Variants in STK39 observed in about 807,000 individuals in gnomAD.
The protein encoded by STK39 is serine/threonine kinase 39.
Under a neutral mutation model 77.8 loss-of-function variants are expected in STK39, and 20 were observed. The observed-to-expected ratio is 0.26, with a 90% CI of 0.18 to 0.37. The LOEUF is 0.37. Ranked by LOEUF, STK39 falls within the 10% of genes least tolerant of loss-of-function variation. The pLI, the probability that STK39 is intolerant of heterozygous loss-of-function variation, is 1.00. For missense variants in STK39, 479 were observed against 656.5 expected (o/e 0.73, Z 2.95); for synonymous variants, 246 against 234.1 (o/e 1.05, Z -0.47).
At chr2:168,038,489 G>T (rs551846843) in intron 14 of STK39, among the ~76,000 whole-genome samples, 1 of 147,128 alleles carries the variant, frequency 6.8e-6, no homozygotes, top group Non-Finnish European at 1.5e-5. Flanking sequence ...GGAAAAAAAC[G>T]AAGAAAATCT....
At chr2:168,008,851 G>A (rs1043603466) in intron 16 of STK39, among the ~76,000 whole-genome samples, 4 of 152,110 alleles carry the variant, frequency 2.6e-5, no homozygotes, top group Admixed American at 6.5e-5. Flanking sequence ...TGTCAACTAC[G>A]CCCAATACTG....
At position 168,180,702 on chromosome 2, in the gene STK39, TAGCAAGCAACAGAC is replaced by T. The variant is rs2105627110; in HGVS notation, c.321+1262_321+1275del. 1.3e-5 allele frequency among the ~76,000 whole-genome samples: 2 copies of T among 152,142 alleles called. 1 individual carries two copies. The highest frequency in any genetic ancestry group is 3.9e-4 in the East Asian group (2 of 5,158). On this transcript the variant is annotated intron_variant, in intron 2 of 17. Transcript: ENST00000355999. Reference sequence around the variant, plus strand: ...GGCACAATATTACTGGTCACTAAGATAGCAAGCAACAGACAAGTAGCATGCAGCAGGAATTTCAG... The same window carrying T: ...GGCACAATATTACTGGTCACTAAGATAAGTAGCATGCAGCAGGAATTTCAG...
intron 14 of STK39, among the ~76,000 whole-genome samples, chr2:168,041,229 C>T (rs1419480191): frequency 6.6e-6 from 1 of 151,448 alleles, no homozygotes; most frequent in African/African-American, 2.4e-5. Flanking sequence ...ATCCTTCCAA[C>T]TCCTAAAGTC....
intron 16 of STK39, among the ~76,000 whole-genome samples, chr2:167,982,092 T>C (rs1683434345): frequency 6.6e-6 from 1 of 152,202 alleles, no homozygotes; most frequent in Admixed American, 6.5e-5. Flanking sequence ...ACATCAAATC[T>C]GTATAGAAAG....
chr2:168,244,690 G>A (rs1342694939), intron 1 of STK39, among the ~76,000 whole-genome samples: 4 of 152,146 alleles, frequency 2.6e-5, no homozygotes, highest in African/African-American at 7.2e-5. Flanking sequence ...AAGCCCTTGC[G>A]AAAAACCTAT....
At chr2:168,080,608 C>T (rs777318772) in intron 10 of STK39, among the ~76,000 whole-genome samples, 18 of 151,314 alleles carry the variant, frequency 1.2e-4, no homozygotes, top group South Asian at 6.3e-4. Flanking sequence ...CCAGCCTGGG[C>T]GACAGAGTGA....
chr2:168,044,388 G>A (rs1289113712), intron 14 of STK39, among the ~76,000 whole-genome samples: 2 of 152,110 alleles, frequency 1.3e-5, no homozygotes, highest in Admixed American at 1.3e-4. Context: ...GATAAGTTTG[G>A]AGTCCTTAAA....
chr2:168,165,451 G>GAAATGAGAAA (rs1374208033), intron 3 of STK39, among the ~76,000 whole-genome samples: 28 of 152,078 alleles, frequency 1.8e-4, no homozygotes, highest in Non-Finnish European at 2.8e-4. Context: ...CTCAGAGTTG[G>GAAATGAGAAA]TGGAACCCCA....
intron 8 of STK39, among the ~76,000 whole-genome samples, chr2:168,136,381 AAAG>A (rs1267353664): frequency 2.1e-5 from 2 of 96,114 alleles, no homozygotes; most frequent in Admixed American, 1.0e-4. Flanking sequence ...AAAAAAAAAA[AAAG>A]AAAAGAAATA....
At chr2:168,028,859 T>C (rs892361223) in intron 14 of STK39, among the ~76,000 whole-genome samples, 1 of 152,236 alleles carries the variant, frequency 6.6e-6, no homozygotes, top group Non-Finnish European at 1.5e-5. Context: ...CTATAAGACA[T>C]GAACCTAATA....
intron 16 of STK39, among the ~76,000 whole-genome samples, chr2:168,008,498 T>C (rs564261897): frequency 6.6e-6 from 1 of 152,318 alleles, no homozygotes; most frequent in South Asian, 2.1e-4. Context: ...AAGCTGTGGA[T>C]TAAATCTTGG....
In STK39 at chr2:168,000,770, A is replaced by G. The variant is rs1432308016; in HGVS notation, c.1498+11864T>C. 2.6e-5 allele frequency among the ~76,000 whole-genome samples: 4 copies of G among 152,200 alleles called. No individual in the cohort carries two copies. The East Asian group carries it at 7.7e-4, about 29-fold the overall frequency. On this transcript the variant is annotated intron_variant, in intron 16 of 17. Transcript: ENST00000355999. ...CCCAGATCTATTCAGCCAATGAAGA[A>G]ATGAGCCATGAACGTGACTTTCTAA... is the stretch of plus-strand genomic sequence containing the variant.
chr2:168,075,335 C>A lies in STK39; in HGVS notation c.1090-104G>T, dbSNP rs16854652. 5,889 of 1,481,734 alleles carry A rather than the reference C, an allele frequency of 4.0e-3. 218 individuals carry two copies. The African/African-American group carries it at 0.072, about 18-fold the overall frequency. 91.8% of individuals were successfully genotyped at this position (1,481,734 alleles called of 1,614,324 possible). Reference sequence around the variant, plus strand: ...GGCATACACACCAACCTGAAAATAACCTGAGTGGCTGTGAATCCAGGGATA... The same window carrying A: ...GGCATACACACCAACCTGAAAATAAACTGAGTGGCTGTGAATCCAGGGATA... On this transcript the variant is annotated intron_variant, in intron 10 of 17. Coordinates refer to ENST00000355999, the MANE Select transcript of STK39 (RefSeq NM_013233.3).
intron 10 of STK39, among the ~76,000 whole-genome samples, chr2:168,094,728 T>C (rs945798442): frequency 6.6e-6 from 1 of 152,106 alleles, no homozygotes; most frequent in Non-Finnish European, 1.5e-5. Context: ...CAGGGCTCCT[T>C]TGTTCTCTCT....
At chr2:168,101,028 T>C (rs1392529615) in intron 10 of STK39, among the ~76,000 whole-genome samples, 1 of 152,128 alleles carries the variant, frequency 6.6e-6, no homozygotes, top group African/African-American at 2.4e-5. Context: ...TATGCAGCCA[T>C]AAAAAGGAAT....
chr2:168,016,836 G>A (rs896570388), intron 15 of STK39, among the ~76,000 whole-genome samples: 4 of 152,092 alleles, frequency 2.6e-5, no homozygotes, highest in Non-Finnish European at 4.4e-5. Flanking sequence ...ATACTGTGCC[G>A]CATGTGTCAC....
chr2:168,112,685 A>T (rs1687150519), intron 10 of STK39, among the ~76,000 whole-genome samples: 2 of 152,160 alleles, frequency 1.3e-5, no homozygotes, highest in African/African-American at 4.8e-5. Flanking sequence ...TTGAACTTCC[A>T]GTAAGATTTT....
chr2:168,001,420 G>C (rs559026360), intron 16 of STK39, among the ~76,000 whole-genome samples: 1 of 151,974 alleles, frequency 6.6e-6, no homozygotes, highest in East Asian at 1.9e-4. Flanking sequence ...ATGAATCTGG[G>C]GTACATGTAT....
chr2:168,130,086 C>G lies in STK39; in HGVS notation c.975-328G>C, dbSNP rs554566805. On this transcript the variant is annotated intron_variant, in intron 8 of 17. Coordinates refer to ENST00000355999, the MANE Select transcript of STK39 (RefSeq NM_013233.3). ...ACTGACACATCTGTGAGCTAAATTTCTATATTTATTAAGAAACCATACAAG... is the reference window on the plus strand; with the variant it reads ...ACTGACACATCTGTGAGCTAAATTTGTATATTTATTAAGAAACCATACAAG... Among the ~76,000 whole-genome samples, 207 of 152,140 alleles carry G rather than the reference C, an allele frequency of 1.4e-3. 1 individual carries two copies. Among genetic ancestry groups the G allele is most frequent in the Non-Finnish European group, 1.4e-3 (97 of 68,038 alleles).
Sources: gnomAD v4.1 joint callset for allele counts (sites outside exome capture counted in the v4.1 genomes callset) on GRCh38, gnomAD v4.1.1 for gene constraint, MANE v1.5 for transcripts, NCBI Gene and HGNC (gene_info 2026-07-23, HGNC 2026-07-21) for gene names.